Variants in GDPD5 observed in about 807,000 individuals in gnomAD.
GDPD5 encodes glycerophosphodiester phosphodiesterase 2.
Under a neutral mutation model 75.1 loss-of-function variants are expected in GDPD5, and 48 were observed. The ratio of observed to expected loss-of-function variants is 0.64; its 90% CI spans 0.51 to 0.81. GDPD5 has a LOEUF of 0.81. Among genes scored for constraint, GDPD5 ranks in the 40% least tolerant of loss-of-function variants. GDPD5 has a pLI of 0.00. For synonymous variants in GDPD5, 336 were observed against 339.0 expected (o/e 0.99, Z 0.10); for missense variants, 706 against 822.6 (o/e 0.86, Z 1.73).
chr11:75,524,846 C>T (rs1359203807), intron 1 of GDPD5, among the ~76,000 whole-genome samples: 1 of 152,182 alleles, frequency 6.6e-6, no homozygotes, highest in Non-Finnish European at 1.5e-5. Flanking sequence ...AGCATCAGCG[C>T]TCAAGTGCTC....
intron 2 of GDPD5, 76 bp downstream of exon 2, chr11:75,490,161 A>C (rs1950083781): frequency 1.3e-5 from 2 of 152,102 alleles, no homozygotes; most frequent in Admixed American, 1.3e-4. Context: ...GGAGGTGGAC[A>C]TTGTGTAAGA....
intron 1 of GDPD5, among the ~76,000 whole-genome samples, chr11:75,505,713 G>A (rs1370261221): frequency 6.6e-6 from 1 of 152,140 alleles, no homozygotes; most frequent in Non-Finnish European, 1.5e-5. Flanking sequence ...GGAAATCTGA[G>A]ACCCAAGTGG....
intron 2 of GDPD5, among the ~76,000 whole-genome samples, chr11:75,479,864 A>G (rs1034415113): frequency 1.3e-5 from 2 of 152,156 alleles, no homozygotes; most frequent in African/African-American, 4.8e-5. Flanking sequence ...AGGCTCATCC[A>G]TGTTGTAGCA....
intron 3 of GDPD5, among the ~76,000 whole-genome samples, chr11:75,466,629 C>G (rs571656903): frequency 6.6e-6 from 1 of 152,248 alleles, no homozygotes; most frequent in Admixed American, 6.5e-5. Context: ...GGTATCTACC[C>G]CCATTGCACA....
intron 14 of GDPD5, among the ~76,000 whole-genome samples, chr11:75,440,396 G>T (rs1001080829): frequency 5.3e-5 from 8 of 152,064 alleles, no homozygotes; most frequent in African/African-American, 1.7e-4. Flanking sequence ...CACAGCTTAG[G>T]TCTGATTCAT....
intron 16 of GDPD5, among the ~76,000 whole-genome samples, chr11:75,436,042 A>G (rs990194347): frequency 6.6e-6 from 1 of 152,066 alleles, no homozygotes; most frequent in Non-Finnish European, 1.5e-5. Context: ...TGGGAACCTC[A>G]TCGGAGCCCT....
intron 1 of GDPD5, among the ~76,000 whole-genome samples, chr11:75,520,486 G>A (rs1211274558): frequency 6.6e-6 from 1 of 152,154 alleles, no homozygotes; most frequent in Non-Finnish European, 1.5e-5. Flanking sequence ...AGGGAGGGGA[G>A]GATTCGGTGG....
intron 6 of GDPD5, chr11:75,452,770 T>C (rs1565189983): frequency 6.6e-6 from 1 of 152,310 alleles, no homozygotes. Flanking sequence ...TGATGGAGCC[T>C]TGGTAGGAGG....
At position 75,435,475 on chromosome 11, in the gene GDPD5, G is replaced by T. The variant is rs1245592635; in HGVS notation, c.*32C>A. On this transcript the variant is annotated 3_prime_UTR_variant, in exon 17 of 17. Transcript: ENST00000336898. ...CTCTCCTAGGCTCCCCAGCTTCTGTGTCAGGTACAGGTGGGACAGACATGT... is the reference window on the plus strand; with the variant it reads ...CTCTCCTAGGCTCCCCAGCTTCTGTTTCAGGTACAGGTGGGACAGACATGT... 6.5e-7 allele frequency: 1 copy of T among 1,542,338 alleles called. No individual in the cohort carries two copies. Among genetic ancestry groups the T allele is most frequent in the East Asian group, 2.3e-5 (1 of 43,774 alleles).
intron 3 of GDPD5, among the ~76,000 whole-genome samples, chr11:75,469,541 T>C (rs937299038): frequency 6.6e-6 from 1 of 152,186 alleles, no homozygotes; most frequent in Non-Finnish European, 1.5e-5. Context: ...AAATTATCCT[T>C]GTCTGACCAA....
At chr11:75,473,612 C>T (rs1006654259) in intron 3 of GDPD5, among the ~76,000 whole-genome samples, 2 of 152,134 alleles carry the variant, frequency 1.3e-5, no homozygotes, top group Admixed American at 1.3e-4. Flanking sequence ...TCACACAGCC[C>T]GAGCCTGGCT....
At chr11:75,444,298 C>A in intron 10 of GDPD5, 115 bp downstream of exon 10, 1 of 758,942 alleles carries the variant, frequency 1.3e-6, no homozygotes, top group Non-Finnish European at 2.4e-6. Context: ...TAATCTAAGT[C>A]TTCCTCCTCC....
rs1365449593 is a variant in GDPD5 at position 75,444,454 on chromosome 11, G to A, written c.756C>T (p.Leu252=). 10 of 1,613,840 alleles carry A rather than the reference G, an allele frequency of 6.2e-6. No individual in the cohort carries two copies. The highest frequency in any genetic ancestry group is 7.6e-6 in the Non-Finnish European group (9 of 1,179,864). ...EHTLMSFRKA[L]EQKLYGLQAD... ...CCTGGAGCCCGTACAGCTTCTGCTC[G>A]AGGGCCTTCCGGAAGGACATGAGCG... is the stretch of plus-strand genomic sequence containing the variant. Residue 252 remains leucine, a synonymous_variant, in exon 10 of 17, where the codon CTC becomes CTT. Coordinates refer to ENST00000336898, the MANE Select transcript of GDPD5 (RefSeq NM_030792.8).
Position 75,442,506 on chromosome 11 carries a change from G to A in GDPD5, c.1024C>T (p.Leu342=), listed in dbSNP as rs763187804. 4 of 1,614,046 alleles carry A rather than the reference G, an allele frequency of 2.5e-6. No homozygotes were observed. Among genetic ancestry groups the A allele is most frequent in the Non-Finnish European group, 3.4e-6 (4 of 1,180,036 alleles). Reference sequence around the variant, plus strand: ...TTGGCCAGCTCCAGGAGCTCTGCCAGGCTGCAGATGGACTGGTTCTGGGCC... The same window carrying A: ...TTGGCCAGCTCCAGGAGCTCTGCCAAGCTGCAGATGGACTGGTTCTGGGCC... ...REAQNQSICS[L]AELLELAKGN... is the part of the protein sequence containing the mutation. Residue 342 remains leucine, a synonymous_variant, in exon 12 of 17, where the codon CTG becomes TTG. Coordinates refer to ENST00000336898, the MANE Select transcript of GDPD5 (RefSeq NM_030792.8).
At chr11:75,441,947 T>A in intron 12 of GDPD5, 144 bp from the exon 13 acceptor site, 1 of 848,688 alleles carries the variant, frequency 1.2e-6, no homozygotes, top group Non-Finnish European at 1.8e-6. Context: ...AGGGCAGGAC[T>A]CAGTCCCAGC....
intron 2 of GDPD5, among the ~76,000 whole-genome samples, chr11:75,482,378 G>A (rs1329558867): frequency 2.0e-5 from 3 of 152,148 alleles, no homozygotes; most frequent in Non-Finnish European, 4.4e-5. Context: ...CACGGCTTTA[G>A]TTACCAGGTG....
intron 10 of GDPD5, 64 bp downstream of exon 10, chr11:75,444,349 A>G (rs957067976): frequency 8.3e-7 from 1 of 1,205,016 alleles, no homozygotes; most frequent in Non-Finnish European, 1.2e-6. Flanking sequence ...CCCAGCAGAG[A>G]CCCAGGTGGA....
At chr11:75,480,767 C>A (rs570003154) in intron 2 of GDPD5, among the ~76,000 whole-genome samples, 38 of 152,080 alleles carry the variant, frequency 2.5e-4, no homozygotes, top group African/African-American at 8.4e-4. Context: ...TTTGTACAGC[C>A]CAAAAGCTAA....
At chr11:75,469,921 C>T (rs143768285) in intron 3 of GDPD5, among the ~76,000 whole-genome samples, 114 of 152,344 alleles carry the variant, frequency 7.5e-4, no homozygotes, top group Admixed American at 1.3e-3. Context: ...CAGTCATCTA[C>T]GTACACGTGT....
Sources: gnomAD v4.1 joint callset for allele counts (sites outside exome capture counted in the v4.1 genomes callset) on GRCh38, gnomAD v4.1.1 for gene constraint, MANE v1.5 for transcripts, NCBI Gene and HGNC (gene_info 2026-07-23, HGNC 2026-07-21) for gene names.